MGAT4C: variants seen among roughly 807,000 people sequenced by gnomAD.
MGAT4C encodes the protein alpha-1,3-mannosyl-glycoprotein 4-beta-N-acetylglucosaminyltransferase C.
Under a neutral mutation model 40.1 loss-of-function variants are expected in MGAT4C, and 19 were observed. The ratio of observed to expected loss-of-function variants is 0.47; its 90% CI spans 0.33 to 0.70. The LOEUF (loss-of-function observed/expected upper bound fraction) is 0.70. Ranked by LOEUF, MGAT4C falls within the 30% of genes least tolerant of loss-of-function variation. MGAT4C has a pLI of 0.02. For synonymous variants in MGAT4C, 181 were observed against 187.1 expected, an observed-to-expected ratio of 0.97 and a Z score of 0.27; for missense variants, 491 against 563.2, an observed-to-expected ratio of 0.87 and a Z score of 1.30.
At chr12:86,381,360 G>A (rs1286537586) in intron 3 of MGAT4C, among the ~76,000 whole-genome samples, 2 of 152,176 alleles carry the variant, frequency 1.3e-5, no homozygotes, top group Non-Finnish European at 2.9e-5. Context: ...TAGAATCTGA[G>A]AAGCTGATGG....
At chr12:86,767,987 A>T (rs1007589911) in intron 1 of MGAT4C, among the ~76,000 whole-genome samples, 17 of 152,198 alleles carry the variant, frequency 1.1e-4, no homozygotes, top group African/African-American at 4.1e-4. Context: ...CACCACTCCT[A>T]TTCAACATAG....
intron 2 of MGAT4C, among the ~76,000 whole-genome samples, chr12:86,682,000 A>G (rs900835758): frequency 9.2e-5 from 14 of 152,184 alleles, no homozygotes; most frequent in African/African-American, 3.4e-4. Context: ...TTTGAAAGAC[A>G]GCATGCACAA....
intron 1 of MGAT4C, among the ~76,000 whole-genome samples, chr12:86,061,240 C>T (rs963464107): frequency 1.3e-5 from 2 of 152,130 alleles, no homozygotes; most frequent in African/African-American, 2.4e-5. Flanking sequence ...ATCCCCTCAA[C>T]CGGGAAGTGC....
At chr12:86,523,951 A>T (rs891791231) in intron 2 of MGAT4C, among the ~76,000 whole-genome samples, 5 of 151,860 alleles carry the variant, frequency 3.3e-5, no homozygotes, top group African/African-American at 4.8e-5. Context: ...ATTTTTCTTC[A>T]TCCCTTTATT....
intron 1 of MGAT4C, among the ~76,000 whole-genome samples, chr12:86,211,555 G>A (rs1950470504): frequency 6.6e-6 from 1 of 151,594 alleles, no homozygotes; most frequent in African/African-American, 2.4e-5. Context: ...CCACTGTGCT[G>A]CGGGCTGGGT....
In MGAT4C at chr12:86,493,595, A is replaced by T. The variant is rs1958179684; in HGVS notation, c.-228-58330T>A. On this transcript the variant is annotated intron_variant, in intron 2 of 7. Transcript: ENST00000548651. Reference sequence around the variant, plus strand: ...TCTCACTCATAGGTGGGAATTGAACAATGAGAACACATGGACACAGGAAGG... The same window carrying T: ...TCTCACTCATAGGTGGGAATTGAACTATGAGAACACATGGACACAGGAAGG... Among the ~76,000 whole-genome samples, 3 of 151,626 alleles carry T rather than the reference A, an allele frequency of 2.0e-5. No individual in the cohort carries two copies. The South Asian group carries it at 6.3e-4, about 32-fold the overall frequency.
intron 4 of MGAT4C, among the ~76,000 whole-genome samples, chr12:86,286,310 C>A (rs1486814953): frequency 6.6e-6 from 1 of 152,050 alleles, no homozygotes; most frequent in South Asian, 2.1e-4. Flanking sequence ...TAGAGAGGCC[C>A]TAATTAAAAT....
intron 2 of MGAT4C, among the ~76,000 whole-genome samples, chr12:86,039,990 C>T (rs1245720168): frequency 2.6e-5 from 4 of 152,210 alleles, no homozygotes; most frequent in African/African-American, 9.6e-5. Flanking sequence ...CCTTCTGCTG[C>T]AGATCTGCTG....
intron 2 of MGAT4C, among the ~76,000 whole-genome samples, chr12:86,463,311 CTT>C (rs1396378865): frequency 6.6e-6 from 1 of 152,064 alleles, no homozygotes; most frequent in Non-Finnish European, 1.5e-5. Flanking sequence ...CAGCTATAGT[CTT>C]TTGCTTGGGA....
At chr12:86,613,191 A>T (rs977605365) in intron 2 of MGAT4C, among the ~76,000 whole-genome samples, 1 of 152,234 alleles carries the variant, frequency 6.6e-6, no homozygotes, top group Admixed American at 6.5e-5. Context: ...ACCAATTTAT[A>T]TGAAATCTCT....
intron 2 of MGAT4C, among the ~76,000 whole-genome samples, chr12:86,658,729 T>C (rs979979825): frequency 2.0e-5 from 3 of 152,232 alleles, no homozygotes; most frequent in Admixed American, 2.0e-4. Context: ...ACCACTTGTG[T>C]TAAATTGTAT....
chr12:86,032,546 G>T (rs895402272), intron 2 of MGAT4C, among the ~76,000 whole-genome samples: 1 of 149,570 alleles, frequency 6.7e-6, no homozygotes, highest in African/African-American at 2.4e-5. Context: ...ATGTTTGTTG[G>T]CCATGTGTAT....
At chr12:86,809,801 C>A (rs1010048658) in intron 1 of MGAT4C, among the ~76,000 whole-genome samples, 1 of 151,912 alleles carries the variant, frequency 6.6e-6, no homozygotes, top group Non-Finnish European at 1.5e-5. Context: ...AATATTTTTG[C>A]TTTGTCTGGT....
intron 1 of MGAT4C, among the ~76,000 whole-genome samples, chr12:86,742,815 A>G (rs1951088573): frequency 6.6e-6 from 1 of 151,584 alleles, no homozygotes; most frequent in Admixed American, 6.6e-5. Context: ...AATAATAAAA[A>G]AATAATACTA....
At chr12:86,415,146 T>C (rs1956682324) in intron 3 of MGAT4C, among the ~76,000 whole-genome samples, 1 of 151,970 alleles carries the variant, frequency 6.6e-6, no homozygotes. Context: ...CTCAAGTCTC[T>C]CCTGGACTTG....
chr12:86,488,884 G>A (rs1958075620), intron 2 of MGAT4C, among the ~76,000 whole-genome samples: 1 of 152,062 alleles, frequency 6.6e-6, no homozygotes, highest in East Asian at 1.9e-4. Context: ...TAAAAAGAGT[G>A]GTAACAATAG....
intron 2 of MGAT4C, among the ~76,000 whole-genome samples, chr12:86,002,785 A>G (rs180899912): frequency 2.6e-5 from 4 of 151,546 alleles, no homozygotes; most frequent in African/African-American, 9.7e-5. Flanking sequence ...GGATGGTATT[A>G]TCAAATTACT....
At chr12:86,118,434 T>G (rs982533388) in intron 1 of MGAT4C, among the ~76,000 whole-genome samples, 2 of 152,178 alleles carry the variant, frequency 1.3e-5, no homozygotes, top group African/African-American at 4.8e-5. Context: ...GAAGAGCTGC[T>G]TAGTAATGAT....
At chr12:86,715,415 G>A (rs1950628447) in intron 2 of MGAT4C, among the ~76,000 whole-genome samples, 1 of 152,080 alleles carries the variant, frequency 6.6e-6, no homozygotes, top group Non-Finnish European at 1.5e-5. Context: ...GTTATGCTCT[G>A]TTTCTTGATC....
Sources: gnomAD v4.1 joint callset for allele counts (sites outside exome capture counted in the v4.1 genomes callset) on GRCh38, gnomAD v4.1.1 for gene constraint, MANE v1.5 for transcripts, NCBI Gene and HGNC (gene_info 2026-07-23, HGNC 2026-07-21) for gene names.